RGPD4: variants seen among roughly 807,000 people sequenced by gnomAD.
RGPD4 encodes RANBP2 like and GRIP domain containing 4.
Under a neutral mutation model 141.1 loss-of-function variants are expected in RGPD4, and 84 were observed. The observed-to-expected ratio is 0.60, with a 90% CI of 0.50 to 0.71. The LOEUF (loss-of-function observed/expected upper bound fraction) is 0.71, where lower values mean the gene tolerates loss of function less well. Ranked by LOEUF, RGPD4 falls within the 30% of genes least tolerant of loss-of-function variation. The probability of loss-of-function intolerance (pLI) is 0.00; values close to 1 mark genes in which losing one functional copy is unlikely to be tolerated. For synonymous variants in RGPD4, 298 were observed against 566.8 expected, an observed-to-expected ratio of 0.53 and a Z score of 6.74; for missense variants, 918 against 1,622.4, an observed-to-expected ratio of 0.57 and a Z score of 7.46.
Position 107,880,099 on chromosome 2 carries a change from C to G in RGPD4, c.5056C>G (p.Gln1686Glu), listed in dbSNP as rs1349079715. ...AEATSAVLME[Q>E]IKLLKSEIRR... ...GGCAACCAGTGCAGTCCTTATGGAG[C>G]AAATTAAGGTGAGATCAGAAAACCT... is the stretch of plus-strand genomic sequence containing the variant. The change falls in exon 21 of 23, where the codon CAA (glutamine) becomes GAA (glutamate). Residue 1686 changes from glutamine to glutamate, a missense_variant. Coordinates refer to ENST00000408999, the MANE Select transcript of RGPD4 (RefSeq NM_182588.3). 3 of 1,611,328 alleles carry G rather than the reference C, an allele frequency of 1.9e-6. No individual in the cohort carries two copies. Among genetic ancestry groups the G allele is most frequent in the Admixed American group, 1.7e-5 (1 of 59,986 alleles).
At chr2:107,850,739 T>C (rs1682093211) in intron 7 of RGPD4, among the ~76,000 whole-genome samples, 1 of 23,262 alleles carries the variant, frequency 4.3e-5, no homozygotes, top group African/African-American at 1.6e-4. Context: ...CTCCGCCTCC[T>C]GGGTTCACGC....
Position 107,872,028 on chromosome 2 carries a change from C to T in RGPD4, c.4024C>T (p.Pro1342Ser). The change falls in exon 20 of 23, where the codon CCT becomes TCT. Residue 1342 changes from proline to serine, a missense_variant. By Grantham distance (74) the Pro-to-Ser change is moderately conservative (BLOSUM62 -1). Coordinates refer to ENST00000408999, the MANE Select transcript of RGPD4 (RefSeq NM_182588.3). ...GQYFEPVVPL[P>S]DLVEVSSGEE... ...GTACTTTGAACCTGTTGTTCCTTTACCTGATCTAGTTGAAGTATCCAGTGG... is the reference window on the plus strand; with the variant it reads ...GTACTTTGAACCTGTTGTTCCTTTATCTGATCTAGTTGAAGTATCCAGTGG... 6.2e-7 allele frequency: 1 copy of T among 1,611,268 alleles called. No individual in the cohort carries two copies. Among genetic ancestry groups the T allele is most frequent in the African/African-American group, 1.3e-5 (1 of 74,442 alleles).
intron 6 of RGPD4, among the ~76,000 whole-genome samples, chr2:107,845,661 T>C (rs1313160757): frequency 3.3e-5 from 5 of 152,296 alleles, no homozygotes; most frequent in Non-Finnish European, 7.3e-5. Context: ...CCTCCCAGGT[T>C]CACACCATTC....
rs564162057 is a variant in RGPD4, at chr2:107,891,001, C to T, written c.*270C>T. On this transcript the variant is annotated 3_prime_UTR_variant, in exon 23 of 23. Transcript: ENST00000408999. ...TTGATACCAGGCCACAGCCCTCTAA[C>T]TCATGTGATCTCCCATGCATGCTGC... Among the ~76,000 whole-genome samples the T allele has an allele frequency of 3.3e-5, 5 of 150,474 alleles. No individual in the cohort carries two copies. In the South Asian group the frequency reaches 8.4e-4, roughly 25 times the overall value.
chr2:107,881,993 C>T (rs536924142), intron 21 of RGPD4, among the ~76,000 whole-genome samples: 1 of 152,006 alleles, frequency 6.6e-6, no homozygotes, highest in Non-Finnish European at 1.5e-5. Context: ...TTCCCCTCAG[C>T]CCATTTTCAG....
chr2:107,871,200 A>C lies in RGPD4; in HGVS notation c.3196A>C (p.Lys1066Gln). 1 of 1,610,048 alleles carries C rather than the reference A, an allele frequency of 6.2e-7. No individual in the cohort carries two copies. The highest frequency in any genetic ancestry group is 8.5e-7 in the Non-Finnish European group (1 of 1,179,696). The change falls in exon 20 of 23, where the codon AAA (lysine) becomes CAA (glutamine). Residue 1066 changes from lysine to glutamine, a missense_variant. Coordinates refer to ENST00000408999, the MANE Select transcript of RGPD4 (RefSeq NM_182588.3). Reference protein sequence around the residue: ...GEKVLYSQGVKLFRFDAEVRQ... With the variant: ...GEKVLYSQGVQLFRFDAEVRQ... ...AAAAGTTCTGTATTCACAGGGGGTAAAACTATTTAGATTTGATGCTGAGGT... is the reference window on the plus strand; with the variant it reads ...AAAAGTTCTGTATTCACAGGGGGTACAACTATTTAGATTTGATGCTGAGGT...
At chr2:107,831,731 C>G (rs1321896059) in intron 1 of RGPD4, among the ~76,000 whole-genome samples, 1 of 147,704 alleles carries the variant, frequency 6.8e-6, no homozygotes, top group African/African-American at 2.5e-5. Context: ...CCACAACACC[C>G]GGCTAATTTT....
intron 22 of RGPD4, among the ~76,000 whole-genome samples, chr2:107,885,528 T>C (rs1185030790): frequency 6.6e-6 from 1 of 152,156 alleles, no homozygotes; most frequent in Non-Finnish European, 1.5e-5. Flanking sequence ...CAAGAACAGA[T>C]ATTTTTAAAG....
chr2:107,855,999 G>T (rs1682294367), intron 8 of RGPD4, among the ~76,000 whole-genome samples: 1 of 119,046 alleles, frequency 8.4e-6, no homozygotes, highest in Admixed American at 8.5e-5. Flanking sequence ...TTTTTTGATT[G>T]CTTACTGTAA....
chr2:107,882,207 G>A (rs918702219), intron 21 of RGPD4, among the ~76,000 whole-genome samples: 2 of 151,722 alleles, frequency 1.3e-5, no homozygotes, highest in African/African-American at 2.4e-5. Context: ...CCTCTTGTCA[G>A]TGATACTTGG....
In RGPD4 at chr2:107,859,605, A is replaced by T. The variant is rs3872487; in HGVS notation, c.1634+51A>T. 4 of 1,611,574 alleles carry T rather than the reference A, an allele frequency of 2.5e-6. No individual in the cohort carries two copies. In the East Asian group the frequency reaches 6.7e-5, roughly 27 times the overall value. On this transcript the variant is annotated intron_variant, in intron 11 of 22. Coordinates refer to ENST00000408999, the MANE Select transcript of RGPD4 (RefSeq NM_182588.3). ...TTTCACTTAGTGCGTAGGTTTTACC[A>T]GGGATTTAATCCTCATGTGAAGATT...
At chr2:107,845,207 ATTTTTTTTTTTTTTTTTTTTTTTTTTTTT>A (rs1167860983) in intron 6 of RGPD4, among the ~76,000 whole-genome samples, 1 of 59,434 alleles carries the variant, frequency 1.7e-5, no homozygotes, top group Non-Finnish European at 3.0e-5. Flanking sequence ...CACCTGGCTA[ATTTTTTTTTTTTTTTTTTTTTTTTTTTTT>A]TTTTTTTTTT....
rs1264906772 is a variant in RGPD4, at chr2:107,849,116, G to A, written c.978+580G>A. 1.5e-3 allele frequency among the ~76,000 whole-genome samples: 157 copies of A among 103,826 alleles called. No individual in the cohort carries two copies. The Middle Eastern group carries it at 0.022, about 14-fold the overall frequency. 68.1% of individuals were successfully genotyped at this position (103,826 alleles called of 152,430 possible). A position where few individuals can be genotyped will look rare whatever the true frequency, so the allele number is the denominator to read the frequency against. On this transcript the variant is annotated intron_variant, in intron 7 of 22. Coordinates refer to ENST00000408999, the MANE Select transcript of RGPD4 (RefSeq NM_182588.3). ...TGTTGCCAGGCTGGAGTGCAGTGGC[G>A]TGATCTCGGCTCACTGCAGCCTCCA...
intron 22 of RGPD4, among the ~76,000 whole-genome samples, chr2:107,888,592 T>A (rs1573538748): frequency 6.6e-6 from 1 of 151,792 alleles, no homozygotes; most frequent in African/African-American, 2.4e-5. Context: ...CTTTGTATAA[T>A]CTCTTCCCCT....
At chr2:107,833,173 T>G (rs62159117) in intron 1 of RGPD4, among the ~76,000 whole-genome samples, 47,112 of 149,226 alleles carry the variant, frequency 0.32, 8,977 homozygotes, top group Non-Finnish European at 0.43. Context: ...TTGGAGGATT[T>G]TAGGGGGAGG....
Position 107,871,866 on chromosome 2 carries a change from T to C in RGPD4, c.3862T>C (p.Ser1288Pro). 1 of 1,611,660 alleles carries C rather than the reference T, an allele frequency of 6.2e-7. No individual in the cohort carries two copies. Among genetic ancestry groups the C allele is most frequent in the Non-Finnish European group, 8.5e-7 (1 of 1,179,856 alleles). ...VRKNLFHFGESTTGSNFSFKS... is the reference protein window; with the variant it reads ...VRKNLFHFGEPTTGSNFSFKS... ...AAAAAATCTTTTCCATTTTGGTGAG[T>C]CAACAACAGGATCTAACTTCAGTTT... Residue 1288 changes from serine (S) to proline (P), a missense_variant, in exon 20 of 23, where the codon TCA becomes CCA. Coordinates refer to ENST00000408999, the MANE Select transcript of RGPD4 (RefSeq NM_182588.3).
chr2:107,855,473 T>G (rs910149059), intron 8 of RGPD4, among the ~76,000 whole-genome samples: 7 of 152,034 alleles, frequency 4.6e-5, no homozygotes, highest in African/African-American at 1.7e-4. Flanking sequence ...ATAAGTGCCT[T>G]TGCGTGGTGT....
rs528180767 is a variant in RGPD4 at position 107,882,329 on chromosome 2, C to A, written c.5065-343C>A. Among the ~76,000 whole-genome samples the A allele has an allele frequency of 5.7e-3, 862 of 151,966 alleles. 5 individuals are homozygous for A. The highest frequency in any genetic ancestry group is 0.01 in the Middle Eastern group (3 of 294). ...GTATTAGCTTGTTGCCTTTCTACTT[C>A]ACCCCTCTTCCTTCCAACCCAAATA... On this transcript the variant is annotated intron_variant, in intron 21 of 22. Coordinates refer to ENST00000408999, the MANE Select transcript of RGPD4 (RefSeq NM_182588.3).
In RGPD4 at chr2:107,859,772, C is replaced by T. The variant is rs752200520; in HGVS notation, c.1685C>T (p.Thr562Ile). ...CTTTTAGTTCAGCATGAAATAAACA[C>T]TCTAAGAGCCCAGGAAAAACATGGC... ...LRLLVQHEINTLRAQEKHGLQ... is the reference protein window; with the variant it reads ...LRLLVQHEINILRAQEKHGLQ... Residue 562 changes from threonine to isoleucine, a missense_variant, in exon 12 of 23, where the codon ACT becomes ATT. Physicochemically the swap from Thr to Ile is moderately conservative, Grantham distance 89. Coordinates refer to ENST00000408999, the MANE Select transcript of RGPD4 (RefSeq NM_182588.3). 5.6e-6 allele frequency: 9 copies of T among 1,610,636 alleles called. No homozygotes were observed. In the East Asian group the frequency reaches 1.1e-4, roughly 20 times the overall value.
Sources: allele counts gnomAD v4.1 joint callset (sites outside exome capture counted in the v4.1 genomes callset), GRCh38; gene constraint gnomAD v4.1.1; transcripts MANE v1.5; gene names NCBI Gene and HGNC (gene_info 2026-07-23, HGNC 2026-07-21).